The following PRPF19 variants were observed in gnomAD, a reference collection of about 807,000 sequenced individuals.
The protein encoded by PRPF19 is pre-mRNA processing factor 19.
A neutral mutation model predicts 64.2 loss-of-function variants in PRPF19; 2 were observed. The observed-to-expected ratio is 0.03, with a 90% CI of 0.01 to 0.10. The LOEUF (loss-of-function observed/expected upper bound fraction) is 0.10, where lower values mean the gene tolerates loss of function less well. Ranked by LOEUF, PRPF19 falls within the 10% of genes least tolerant of loss-of-function variation. The pLI is 1.00. For missense variants in PRPF19, 314 were observed against 650.0 expected, an observed-to-expected ratio of 0.48 and a Z score of 5.62; for synonymous variants, 226 against 251.6, an observed-to-expected ratio of 0.90 and a Z score of 0.96.
At chr11:60,900,170 A>C (rs1408764973) in intron 10 of PRPF19, among the ~76,000 whole-genome samples, 1 of 152,178 alleles carries the variant, frequency 6.6e-6, no homozygotes, top group Non-Finnish European at 1.5e-5. Flanking sequence ...TACAACCTAC[A>C]CCACTTTCAA....
In PRPF19 at chr11:60,890,585, T is replaced by TA. The variant is rs555441530; in HGVS notation, c.*580dup. On this transcript the variant is annotated 3_prime_UTR_variant, in exon 16 of 16. Transcript: ENST00000227524. ...TTTGTTTTTATTTCTGCTGTGCAATTAAAAAAAAAAAAAAAGGGTAAGAGC... is the reference window on the plus strand; with the variant it reads ...TTTGTTTTTATTTCTGCTGTGCAATTAAAAAAAAAAAAAAAAGGGTAAGAGC... The TA allele has an allele frequency of 0.56, 144,110 of 258,854 alleles. 39,221 individuals carry two copies. Among genetic ancestry groups the TA allele is most frequent in the African/African-American group, 0.81 (32,875 of 40,432 alleles). 16.0% of individuals were successfully genotyped at this position (258,854 alleles called of 1,614,324 possible). A position where few individuals can be genotyped will look rare whatever the true frequency, so the allele number is the denominator to read the frequency against.
In PRPF19 at chr11:60,906,419, G is replaced by C. The variant is rs753000659; in HGVS notation, c.-37C>G. On this transcript the variant is annotated 5_prime_UTR_variant, in exon 1 of 16. Transcript: ENST00000227524. Reference sequence around the variant, plus strand: ...CGTGCTCCGAGGCGCCACACGCCGGGCTCCGGGACTAGCTTCTGAGCCTCC... The same window carrying C: ...CGTGCTCCGAGGCGCCACACGCCGGCCTCCGGGACTAGCTTCTGAGCCTCC... 5.2e-6 allele frequency: 8 copies of C among 1,546,484 alleles called. No individual in the cohort carries two copies. Among genetic ancestry groups the C allele is most frequent in the African/African-American group, 1.4e-5 (1 of 73,262 alleles).
chr11:60,899,170 G>A lies in PRPF19; in HGVS notation c.963C>T (p.Leu321=). ...GLSLHATGDY[L]LSSSDDQYWA... ...GCACCTGATCATCGGAGGAGCTCAG[G>A]AGATAGTCGCCAGTGGCATGAAGGC... Residue 321 remains leucine (L), a synonymous_variant, in exon 11 of 16, where the codon CTC becomes CTT. Transcript: ENST00000227524. The A allele has an allele frequency of 6.2e-7, 1 of 1,613,338 alleles. No individual in the cohort carries two copies. The highest frequency in any genetic ancestry group is 8.5e-7 in the Non-Finnish European group (1 of 1,179,680).
intron 15 of PRPF19, among the ~76,000 whole-genome samples, chr11:60,893,176 C>CTTT: frequency 6.6e-6 from 1 of 152,214 alleles, no homozygotes; most frequent in Admixed American, 6.5e-5. Flanking sequence ...ATAAACAAAT[C>CTTT]TACTACACTG....
chr11:60,903,419 T>C (rs1856007495), intron 3 of PRPF19, 40 bp downstream of exon 3: 2 of 1,575,796 alleles, frequency 1.3e-6, no homozygotes, highest in Non-Finnish European at 8.7e-7. Flanking sequence ...ATGCATTCTC[T>C]TCAAGTGGGG....
intron 1 of PRPF19, among the ~76,000 whole-genome samples, chr11:60,904,158 A>C (rs184791470): frequency 1.3e-5 from 2 of 152,334 alleles, no homozygotes; most frequent in East Asian, 3.9e-4. Flanking sequence ...ATAGCAGTCC[A>C]TTATCACCAC....
At chr11:60,900,991 G>A in intron 8 of PRPF19, 62 bp from the exon 9 acceptor site, 1 of 1,566,222 alleles carries the variant, frequency 6.4e-7, no homozygotes, top group Non-Finnish European at 8.8e-7. Flanking sequence ...CAAAGCCACA[G>A]ACCTCCCCTA....
At chr11:60,900,443 A>C (rs1390151918) in intron 10 of PRPF19, 139 bp downstream of exon 10, 1 of 673,740 alleles carries the variant, frequency 1.5e-6, no homozygotes, top group Non-Finnish European at 2.6e-6. Flanking sequence ...ACAACTCCAA[A>C]GTGAGCCCCT....
intron 11 of PRPF19, 105 bp from the exon 12 acceptor site, chr11:60,899,036 A>C (rs920775348): frequency 3.7e-5 from 56 of 1,511,184 alleles, no homozygotes; most frequent in Middle Eastern, 3.4e-4. Context: ...CCTGGCAAAC[A>C]TTCTCCTTTG....
Position 60,890,840 on chromosome 11 carries a change from G to A in PRPF19, c.*326C>T, listed in dbSNP as rs922248713. 3 of 501,420 alleles carry A rather than the reference G, an allele frequency of 6.0e-6. No homozygotes were observed. The highest frequency in any genetic ancestry group is 5.8e-5 in the African/African-American group (3 of 51,796). 31.1% of individuals were successfully genotyped at this position (501,420 alleles called of 1,614,324 possible). A position where few individuals can be genotyped will look rare whatever the true frequency, so the allele number is the denominator to read the frequency against. On this transcript the variant is annotated 3_prime_UTR_variant, in exon 16 of 16. Transcript: ENST00000227524. ...TTGGCTCAGCCTCTCCTGTCTCACA[G>A]GAACTGCAACAAAATGGGTGTGGAA... is the stretch of plus-strand genomic sequence containing the variant.
At position 60,902,570 on chromosome 11, in the gene PRPF19, G is replaced by A. The variant is rs774076278; in HGVS notation, c.462+13C>T. On this transcript the variant is annotated intron_variant, in intron 5 of 15. Transcript: ENST00000227524. This position sits in a 1 kb window ranked among gnomAD's most constrained non-coding sequence, Gnocchi z 5.0. ...CACAAATGGGCTGCTGGTAAGGGAA[G>A]GGGGACACTTACCACAACACTTGGT... is the stretch of plus-strand genomic sequence containing the variant. 6.2e-6 allele frequency: 10 copies of A among 1,611,388 alleles called. No individual in the cohort carries two copies. In the South Asian group the frequency reaches 7.7e-5, roughly 12 times the overall value.
Position 60,899,842 on chromosome 11 carries a change from G to C in PRPF19, c.829-538C>G, listed in dbSNP as rs190381999. ...CACTCACCAATTTTTTGTTTAGTTA[G>C]GATATTAAAAGCCATAAGGTAAAAA... On this transcript the variant is annotated intron_variant, in intron 10 of 15. Transcript: ENST00000227524. Among the ~76,000 whole-genome samples, 1,004 of 152,192 alleles carry C rather than the reference G, an allele frequency of 6.6e-3. 5 individuals carry two copies. Among genetic ancestry groups the C allele is most frequent in the Middle Eastern group, 0.02 (6 of 294 alleles).
chr11:60,894,082 C>G (rs1855894850), intron 15 of PRPF19, among the ~76,000 whole-genome samples: 1 of 152,198 alleles, frequency 6.6e-6, no homozygotes, highest in Non-Finnish European at 1.5e-5. Context: ...CAAGACCCAC[C>G]AGCAGGGTCT....
intron 15 of PRPF19, among the ~76,000 whole-genome samples, chr11:60,897,357 T>C (rs1239846483): frequency 6.6e-6 from 1 of 152,242 alleles, no homozygotes; most frequent in Non-Finnish European, 1.5e-5. Flanking sequence ...GGCTACACCA[T>C]TTAGATATAT....
At chr11:60,891,976 G>A (rs1855865696) in intron 15 of PRPF19, among the ~76,000 whole-genome samples, 2 of 152,196 alleles carry the variant, frequency 1.3e-5, no homozygotes, top group South Asian at 4.1e-4. Context: ...CTCACAACCT[G>A]CTAATGAGGA....
chr11:60,898,416 C>A lies in PRPF19; in HGVS notation c.1140+125G>T. ...GACCCCCCAGACCACACCATCATAT[C>A]ACACACGCACAGCCAGTGTCTCTCC... On this transcript the variant is annotated intron_variant, in intron 13 of 15. Transcript: ENST00000227524. The surrounding 1 kb of genome is among the most constrained non-coding windows in gnomAD (Gnocchi z 4.6). The A allele has an allele frequency of 6.5e-7, 1 of 1,533,218 alleles. No homozygotes were observed. The highest frequency in any genetic ancestry group is 1.2e-5 in the South Asian group (1 of 80,806). 95.0% of individuals were successfully genotyped at this position (1,533,218 alleles called of 1,614,324 possible). A position where few individuals can be genotyped will look rare whatever the true frequency, so the allele number is the denominator to read the frequency against.
At chr11:60,901,214 A>G in intron 8 of PRPF19, 81 bp downstream of exon 8, 1 of 1,460,302 alleles carries the variant, frequency 6.8e-7, no homozygotes, top group Middle Eastern at 2.4e-4. Context: ...CTCTGCACTC[A>G]GCACTCCCCA....
rs2134861175 is a variant in PRPF19, at chr11:60,898,693, G to T, written c.1055-67C>A. ...GGGAGAGAGACTAAGAGCAGCAAAG[G>T]TAGGTTCCTTGTTCTTCACATTCCT... On this transcript the variant is annotated intron_variant, in intron 12 of 15. Transcript: ENST00000227524. The surrounding 1 kb of genome is among the most constrained non-coding windows in gnomAD (Gnocchi z 4.6). The T allele has an allele frequency of 6.2e-7, 1 of 1,609,524 alleles. No homozygotes were observed. The highest frequency in any genetic ancestry group is 1.3e-5 in the African/African-American group (1 of 74,890).
chr11:60,903,115 C>A lies in PRPF19; in HGVS notation c.247-234G>T, dbSNP rs147276229. On this transcript the variant is annotated intron_variant, in intron 3 of 15. Transcript: ENST00000227524. ...GGAGCCAGCTCTTTCCCATCCCCAC[C>A]TTCCCTAACTTACTGGCAAATCCCA... Among the ~76,000 whole-genome samples the A allele has an allele frequency of 1.0e-3, 152 of 152,308 alleles. 1 individual carries two copies. The highest frequency in any genetic ancestry group is 3.4e-3 in the African/African-American group (143 of 41,552).
Sources: allele counts gnomAD v4.1 joint callset (sites outside exome capture counted in the v4.1 genomes callset), GRCh38; gene constraint gnomAD v4.1.1; non-coding constraint Gnocchi (gnomAD v3.1); transcripts MANE v1.5; gene names NCBI Gene and HGNC (gene_info 2026-07-23, HGNC 2026-07-21).